DCAKD: variants seen among roughly 807,000 people sequenced by gnomAD.
DCAKD encodes the protein dephospho-CoA kinase domain containing, also known as dephospho-CoA kinase domain-containing protein.
DCAKD carries 15 observed loss-of-function variants against 18.7 expected under a neutral mutation model. The ratio of observed to expected loss-of-function variants is 0.80; its 90% CI spans 0.54 to 1.24. DCAKD has a LOEUF of 1.24. Among genes scored for constraint, DCAKD ranks in the 50% most tolerant of loss-of-function variants. The pLI is 0.00. For missense variants in DCAKD, 301 were observed against 322.0 expected (o/e 0.93, Z 0.50); for synonymous variants, 130 against 133.0 (o/e 0.98, Z 0.16).
intron 4 of DCAKD, chr17:45,026,779 C>T: frequency 7.1e-6 from 7 of 985,422 alleles, no homozygotes; most frequent in Non-Finnish European, 8.4e-6. Flanking sequence ...TCGCTGAGAA[C>T]AAGGACTAAA....
At chr17:45,044,230 G>A (rs573819504) in intron 1 of DCAKD, among the ~76,000 whole-genome samples, 65 of 152,004 alleles carry the variant, frequency 4.3e-4, no homozygotes, top group African/African-American at 1.5e-3. Flanking sequence ...CTACATCACT[G>A]CCCTCAGGCC....
At chr17:45,054,446 C>T (rs2053758813), upstream of DCAKD, among the ~76,000 whole-genome samples, 1 of 151,960 alleles carries the variant, frequency 6.6e-6, no homozygotes, top group African/African-American at 2.4e-5. Flanking sequence ...TGGGGTTTCA[C>T]CATGCTGGCC....
At position 45,057,849 on chromosome 17, in the gene DCAKD, A is replaced by T. The variant is rs529541635; in HGVS notation, c.-118+3039T>A. 3.5e-4 allele frequency among the ~76,000 whole-genome samples: 48 copies of T among 136,788 alleles called. 1 individual carries two copies. In the South Asian group the frequency reaches 0.011, roughly 32 times the overall value. 89.7% of individuals were successfully genotyped at this position (136,788 alleles called of 152,430 possible). A position where few individuals can be genotyped will look rare whatever the true frequency, so the allele number is the denominator to read the frequency against. On this transcript the variant is annotated intron_variant, in intron 1 of 4. Transcript: ENST00000310604. The stretch of plus-strand genomic sequence containing the variant: ...AACGTGGTGAAACCCTGTCTCTACT[A>T]AAAGTACAAAAATTAGCTGGGCGTG...
At chr17:45,029,661 G>A (rs890558072) in intron 4 of DCAKD, among the ~76,000 whole-genome samples, 1 of 152,160 alleles carries the variant, frequency 6.6e-6, no homozygotes, top group Admixed American at 6.5e-5. Context: ...GGTGACCCTG[G>A]ACACATTCTG....
At chr17:45,034,747 G>A (rs2053251327) in intron 2 of DCAKD, 27 bp downstream of exon 2, 2 of 1,609,696 alleles carry the variant, frequency 1.2e-6, no homozygotes, top group Admixed American at 3.4e-5. Flanking sequence ...GCTGTGCACG[G>A]CCCCCCAACC....
chr17:45,052,579 A>G (rs1181630057), upstream of DCAKD, among the ~76,000 whole-genome samples: 4 of 152,048 alleles, frequency 2.6e-5, no homozygotes, highest in African/African-American at 9.7e-5. Flanking sequence ...TTGAAAGAAT[A>G]CATAAAAGCC....
intron 1 of DCAKD, among the ~76,000 whole-genome samples, chr17:45,056,663 C>T (rs377353975): frequency 2.6e-5 from 4 of 152,156 alleles, no homozygotes; most frequent in East Asian, 3.9e-4. Flanking sequence ...TTAGTAGAGA[C>T]GGGGTTTCAC....
intron 3 of DCAKD, 61 bp downstream of exon 3, chr17:45,034,126 A>G (rs2053231764): frequency 3.7e-6 from 6 of 1,610,168 alleles, no homozygotes; most frequent in Non-Finnish European, 3.4e-6. Flanking sequence ...CTTTCTGCAG[A>G]GGAGAAGGGC....
At chr17:45,029,719 C>T (rs1008962940) in intron 4 of DCAKD, among the ~76,000 whole-genome samples, 7 of 152,146 alleles carry the variant, frequency 4.6e-5, no homozygotes, top group African/African-American at 4.8e-5. Flanking sequence ...AATATCAACA[C>T]CTGTCCTGAC....
At chr17:45,031,116 C>T in intron 3 of DCAKD, 7 of 985,446 alleles carry the variant, frequency 7.1e-6, no homozygotes, top group Non-Finnish European at 7.2e-6. Flanking sequence ...GGGCAGGAGA[C>T]TGCACCCCTG....
At chr17:45,047,584 C>T (rs1044443055) in intron 1 of DCAKD, among the ~76,000 whole-genome samples, 1 of 149,540 alleles carries the variant, frequency 6.7e-6, no homozygotes, top group Non-Finnish European at 1.5e-5. Flanking sequence ...TGGCTCACTG[C>T]AACCTCCGGC....
At chr17:45,032,468 G>C (rs1239724747) in intron 3 of DCAKD, among the ~76,000 whole-genome samples, 4 of 152,046 alleles carry the variant, frequency 2.6e-5, no homozygotes, top group African/African-American at 9.7e-5. Flanking sequence ...CAGAATAAGG[G>C]GCTTGGCCAT....
intron 1 of DCAKD, among the ~76,000 whole-genome samples, chr17:45,044,321 TCCC>T (rs374987618): frequency 1.2e-3 from 175 of 151,728 alleles, no homozygotes; most frequent in African/African-American, 3.8e-3. Flanking sequence ...TGCCCAATCG[TCCC>T]CCCATCAGAG....
intron 1 of DCAKD, among the ~76,000 whole-genome samples, chr17:45,051,022 G>A (rs1368408175): frequency 6.6e-6 from 1 of 152,232 alleles, no homozygotes; most frequent in African/African-American, 2.4e-5. Context: ...TCTGAAAATC[G>A]GAGATGATCA....
upstream of DCAKD, among the ~76,000 whole-genome samples, chr17:45,055,280 C>T (rs2053768647): frequency 6.6e-6 from 1 of 152,194 alleles, no homozygotes; most frequent in Admixed American, 6.6e-5. Flanking sequence ...TACAGTTCTG[C>T]TTCTCATTTT....
intron 3 of DCAKD, among the ~76,000 whole-genome samples, chr17:45,032,593 G>A (rs1046948391): frequency 2.0e-5 from 3 of 151,938 alleles, no homozygotes; most frequent in Non-Finnish European, 2.9e-5. Context: ...GACCAGCCTG[G>A]CCAATATAGT....
intron 1 of DCAKD, among the ~76,000 whole-genome samples, chr17:45,046,184 C>T (rs1019396755): frequency 3.3e-5 from 5 of 152,270 alleles, no homozygotes; most frequent in Middle Eastern, 6.8e-3. Context: ...TTCCCACCTC[C>T]ACATTCCTGG....
chr17:45,034,230 AATCT>A lies in DCAKD; in HGVS notation c.269_272del (p.Glu90ValfsTer5). 6.2e-7 allele frequency: 1 copy of A among 1,613,494 alleles called. No individual in the cohort carries two copies. Among genetic ancestry groups the A allele is most frequent in the South Asian group, 1.1e-5 (1 of 91,030 alleles). ...ACGTCTCCTTCATCATCTCCTTGCG[AATCT>A]CGGGGTGGGTGATGGCGTTGAGCAG... On this transcript the variant is annotated frameshift_variant, in exon 3 of 5. Transcript: ENST00000651974. LOFTEE classifies it high-confidence loss of function.
rs562378867 is a variant in DCAKD at position 45,050,885 on chromosome 17, A to G, written c.-115+476T>C. ...CCTCCTTTGCGGAGCTGGGGAAGGA[A>G]GAGACGGGTGGCCGGATGGCCTCCC... On this transcript the variant is annotated intron_variant, in intron 1 of 4. Coordinates refer to ENST00000651974, the MANE Select transcript of DCAKD (RefSeq NM_001288655.2). Among the ~76,000 whole-genome samples the G allele has an allele frequency of 4.6e-5, 7 of 152,352 alleles. No homozygotes were observed. The South Asian group carries it at 1.4e-3, about 32-fold the overall frequency.
Sources: allele counts gnomAD v4.1 joint callset (sites outside exome capture counted in the v4.1 genomes callset), GRCh38; gene constraint gnomAD v4.1.1; transcripts MANE v1.5; gene names NCBI Gene and HGNC (gene_info 2026-07-23, HGNC 2026-07-21).